Variants in SFMBT1 observed in about 807,000 individuals in gnomAD.
SFMBT1 encodes the protein Scm like with four mbt domains 1.
SFMBT1 carries 32 observed loss-of-function variants against 108.7 expected under a neutral mutation model. The ratio of observed to expected loss-of-function variants is 0.29; its 90% CI spans 0.22 to 0.40. The LOEUF is 0.40. Among genes scored for constraint, SFMBT1 ranks in the 10% least tolerant of loss-of-function variants. The pLI, the probability that SFMBT1 is intolerant of heterozygous loss-of-function variation, is 1.00. For missense variants in SFMBT1, 816 were observed against 1,059.6 expected (o/e 0.77, Z 3.19); for synonymous variants, 348 against 369.5 (o/e 0.94, Z 0.67).
intron 1 of SFMBT1, among the ~76,000 whole-genome samples, chr3:53,008,946 T>C (rs1464781679): frequency 6.6e-6 from 1 of 151,912 alleles, no homozygotes; most frequent in Non-Finnish European, 1.5e-5. Context: ...GAAGATTTTG[T>C]TTACCCTTCT....
chr3:52,964,901 A>C (rs1189791204), intron 2 of SFMBT1, among the ~76,000 whole-genome samples: 1 of 152,232 alleles, frequency 6.6e-6, no homozygotes, highest in Non-Finnish European at 1.5e-5. Context: ...ATACGTACTT[A>C]AATACATGAG....
In SFMBT1 at chr3:53,034,090, A is replaced by T. The variant is rs866384261; in HGVS notation, c.-131+11726T>A. Among the ~76,000 whole-genome samples the T allele has an allele frequency of 1.6e-4, 24 of 151,498 alleles. No individual in the cohort carries two copies. The South Asian group carries it at 2.3e-3, about 15-fold the overall frequency. On this transcript the variant is annotated intron_variant, in intron 1 of 20. Coordinates refer to ENST00000394752, the MANE Select transcript of SFMBT1 (RefSeq NM_016329.4). ...TGTCTCCAAAAAAAAAAAAAAAAAA[A>T]AAAAAATCAACAATTCCTTAATATC...
At chr3:52,967,009 G>A (rs1488695108) in intron 2 of SFMBT1, among the ~76,000 whole-genome samples, 1 of 150,460 alleles carries the variant, frequency 6.6e-6, no homozygotes, top group Non-Finnish European at 1.5e-5. Flanking sequence ...GCTACAAGAG[G>A]ATATACTCAA....
At chr3:52,945,041 C>T (rs976320096) in intron 3 of SFMBT1, among the ~76,000 whole-genome samples, 1 of 150,364 alleles carries the variant, frequency 6.7e-6, no homozygotes, top group African/African-American at 2.4e-5. Context: ...CGATCTCAAG[C>T]AATCTGCCCA....
intron 8 of SFMBT1, among the ~76,000 whole-genome samples, chr3:52,929,088 AAAG>A (rs1320249188): frequency 2.0e-5 from 3 of 152,192 alleles, no homozygotes; most frequent in Non-Finnish European, 2.9e-5. Flanking sequence ...GTTACAAAAC[AAAG>A]AAGAAGCAAA....
At chr3:52,999,471 G>C (rs941761262) in intron 1 of SFMBT1, among the ~76,000 whole-genome samples, 2 of 150,396 alleles carry the variant, frequency 1.3e-5, no homozygotes, top group African/African-American at 4.8e-5. Context: ...ATTGCGTTGG[G>C]GTAGTCAAGG....
chr3:53,041,915 C>T (rs960866284), intron 1 of SFMBT1, among the ~76,000 whole-genome samples: 35 of 151,834 alleles, frequency 2.3e-4, no homozygotes, highest in Admixed American at 2.3e-3. Context: ...AGTTAGGTAA[C>T]GAATGCTATA....
chr3:52,970,917 T>C (rs1704320218), intron 1 of SFMBT1, among the ~76,000 whole-genome samples: 1 of 152,170 alleles, frequency 6.6e-6, no homozygotes, highest in African/African-American at 2.4e-5. Context: ...GCAGATCACT[T>C]GAGCCTAGGA....
rs372117971 is a variant in SFMBT1 at position 52,916,172 on chromosome 3, C to G, written c.1458G>C (p.Gln486His). The G allele has an allele frequency of 6.8e-6, 11 of 1,613,914 alleles. No homozygotes were observed. The highest frequency in any genetic ancestry group is 9.3e-6 in the Non-Finnish European group (11 of 1,179,986). ...TACCTGACTCTGTGGAGTTCAGCTC[C>G]TGATTCCTCAGGCCCTCGTGGACAG... ...SRTVHEGLRN[Q>H]ELNSTESVMI... The change falls in exon 14 of 21, where the codon CAG (glutamine) becomes CAC (histidine). Residue 486 changes from glutamine (Q) to histidine (H), a missense_variant. By Grantham distance (24) the Gln-to-His change is conservative. This residue lies in a region of SFMBT1 where 495 missense variants were observed against 607.4 expected (regional missense o/e 0.81). Transcript: ENST00000394752.
At chr3:53,042,651 T>A (rs1700095050) in intron 1 of SFMBT1, among the ~76,000 whole-genome samples, 1 of 152,224 alleles carries the variant, frequency 6.6e-6, no homozygotes, top group African/African-American at 2.4e-5. Context: ...CCAGCAATCA[T>A]TTTTAAAAGG....
chr3:52,986,983 T>A (rs140191671), intron 1 of SFMBT1, among the ~76,000 whole-genome samples: 1 of 152,048 alleles, frequency 6.6e-6, no homozygotes, highest in African/African-American at 2.4e-5. Context: ...CTATAACTTT[T>A]TTCTATTAAC....
At chr3:53,009,434 AAAATAAAT>A (rs575594934) in intron 1 of SFMBT1, among the ~76,000 whole-genome samples, 2 of 152,168 alleles carry the variant, frequency 1.3e-5, no homozygotes, top group Non-Finnish European at 2.9e-5. Context: ...TCCATCTCAA[AAAATAAAT>A]AAATAAATAA....
At chr3:52,918,663 A>G in intron 12 of SFMBT1, 137 bp from the exon 13 acceptor site, 1 of 411,246 alleles carries the variant, frequency 2.4e-6, no homozygotes, top group Non-Finnish European at 4.2e-6. Context: ...GTGTGTGTAT[A>G]TATATATATA....
At chr3:52,923,924 T>A (rs1307139684) in intron 10 of SFMBT1, among the ~76,000 whole-genome samples, 1 of 151,950 alleles carries the variant, frequency 6.6e-6, no homozygotes, top group African/African-American at 2.4e-5. Context: ...CAGGCTCGCA[T>A]CAAGGTTCAT....
At chr3:52,985,732 GTGTAGCCTATTGCCCCTAGGCTACAAACC>G (rs1197111172) in intron 1 of SFMBT1, among the ~76,000 whole-genome samples, 1 of 152,180 alleles carries the variant, frequency 6.6e-6, no homozygotes, top group Non-Finnish European at 1.5e-5. Context: ...AGGCTATACG[GTGTAGCCTATTGCCCCTAGGCTACAAACC>G]TGTAGGCAAC....
intron 2 of SFMBT1, among the ~76,000 whole-genome samples, chr3:52,957,937 A>G (rs1703831768): frequency 6.6e-6 from 1 of 152,254 alleles, no homozygotes; most frequent in Non-Finnish European, 1.5e-5. Flanking sequence ...AAGCAATTGC[A>G]ACAAAAGCAA....
At chr3:52,910,923 T>C (rs1702198573) in intron 17 of SFMBT1, 80 bp downstream of exon 17, 2 of 1,317,320 alleles carry the variant, frequency 1.5e-6, no homozygotes, top group Non-Finnish European at 2.2e-6. Context: ...TATATATGAA[T>C]GTCTGTAAAG....
At chr3:52,915,002 A>G in intron 14 of SFMBT1, among the ~76,000 whole-genome samples, 1 of 152,182 alleles carries the variant, frequency 6.6e-6, no homozygotes, top group South Asian at 2.1e-4. Context: ...CTTACTTCCA[A>G]TAACTGGTCA....
chr3:53,003,762 A>AC (rs1698639760), intron 1 of SFMBT1, among the ~76,000 whole-genome samples: 2 of 122,548 alleles, frequency 1.6e-5, no homozygotes, highest in Non-Finnish European at 3.5e-5. Context: ...GAAAGGTCAA[A>AC]AAAAAAAAAA....
Sources: gnomAD v4.1 joint callset for allele counts (sites outside exome capture counted in the v4.1 genomes callset) on GRCh38, gnomAD v4.1.1 for gene constraint, gnomAD v4.1.1 regional missense constraint, MANE v1.5 for transcripts, NCBI Gene and HGNC (gene_info 2026-07-23, HGNC 2026-07-21) for gene names.